RGP1: variants seen among roughly 807,000 people sequenced by gnomAD.
RGP1 encodes RAB6A-GEF complex partner protein 2.
In RGP1, 28 loss-of-function variants were observed where a neutral mutation model predicts 44.5. The observed-to-expected ratio is 0.63, with a 90% CI of 0.47 to 0.86. The LOEUF is 0.86. RGP1 is among the 40% of genes least tolerant of loss of function. RGP1 has a pLI of 0.00. For synonymous variants in RGP1, 212 were observed against 196.7 expected (o/e 1.08, Z -0.65); for missense variants, 417 against 490.7 (o/e 0.85, Z 1.42).
downstream of RGP1, among the ~76,000 whole-genome samples, chr9:35,759,917 CTTTTT>C (rs34848500): frequency 7.5e-6 from 1 of 132,986 alleles, no homozygotes; most frequent in Non-Finnish European, 1.6e-5. Context: ...TTCATTTTTC[CTTTTT>C]TTTTTTTTTC....
Position 35,753,217 on chromosome 9 carries a change from C to T in RGP1, c.*343C>T, listed in dbSNP as rs1476084174. 6.2e-7 allele frequency: 1 copy of T among 1,614,154 alleles called. No individual in the cohort carries two copies. The highest frequency in any genetic ancestry group is 1.1e-5 in the South Asian group (1 of 91,082). ...GGTCAGATTTTTGCACCAAGGAGAA[C>T]TGGCAGGTTCCTGCCTCCTGACGTA... On this transcript the variant is annotated 3_prime_UTR_variant, in exon 9 of 9. Coordinates refer to ENST00000378078, the MANE Select transcript of RGP1 (RefSeq NM_001080496.3). This position sits in a 1 kb window ranked among gnomAD's most constrained non-coding sequence, Gnocchi z 4.2.
At chr9:35,783,243 A>G in the RGP1 span, among the ~76,000 whole-genome samples, 1 of 152,300 alleles carries the variant, frequency 6.6e-6, no homozygotes, top group East Asian at 1.9e-4. Context: ...ATGAAATACA[A>G]TGTGATGGAT....
the RGP1 span, among the ~76,000 whole-genome samples, chr9:35,765,339 T>TA: frequency 6.6e-6 from 1 of 152,046 alleles, no homozygotes. Context: ...GATCCTGTTG[T>TA]AAGTGAATGT....
Position 35,752,820 on chromosome 9 carries a change from C to T in RGP1, c.1122C>T (p.Pro374=). Residue 374 remains proline, a synonymous_variant, in exon 9 of 9, where the codon CCC becomes CCT. Coordinates refer to ENST00000378078, the MANE Select transcript of RGP1 (RefSeq NM_001080496.3). ...CCATCAAGGTGCTGCCTACTAGCCC[C>T]ACCCTGGCCTCATATGCTGCCCCAG... ...DLPIKVLPTS[P]TLASYAAPGP... 6.2e-7 allele frequency: 1 copy of T among 1,613,906 alleles called. No homozygotes were observed. Among genetic ancestry groups the T allele is most frequent in the East Asian group, 2.2e-5 (1 of 44,870 alleles).
chr9:35,760,358 G>A (rs995775247), downstream of RGP1, among the ~76,000 whole-genome samples: 1 of 152,074 alleles, frequency 6.6e-6, no homozygotes, highest in African/African-American at 2.4e-5. Context: ...GTGGGGGGCT[G>A]TCCTGTGCAT....
At position 35,753,146 on chromosome 9, in the gene RGP1, G is replaced by A; in HGVS notation, c.*272G>A. The stretch of plus-strand genomic sequence containing the variant: ...AGCCCCAGGAACAGGGGTGTTGGCT[G>A]AGCCCCATTCTGGGTCAGGCCCTCC... On this transcript the variant is annotated 3_prime_UTR_variant, in exon 9 of 9. Coordinates refer to ENST00000378078, the MANE Select transcript of RGP1 (RefSeq NM_001080496.3). The surrounding 1 kb of genome is among the most constrained non-coding windows in gnomAD (Gnocchi z 4.2). 1 of 1,614,216 alleles carries A rather than the reference G, an allele frequency of 6.2e-7. No individual in the cohort carries two copies. Among genetic ancestry groups the A allele is most frequent in the Non-Finnish European group, 8.5e-7 (1 of 1,180,030 alleles).
downstream of RGP1, among the ~76,000 whole-genome samples, chr9:35,759,567 C>CAAAAAAAAAA (rs57938702): frequency 2.6e-5 from 1 of 38,280 alleles, no homozygotes; most frequent in African/African-American, 1.0e-4. Flanking sequence ...ACCCTGTCTC[C>CAAAAAAAAAA]AAAAAAAAAA....
chr9:35,769,820 T>C, the RGP1 span, among the ~76,000 whole-genome samples: 3 of 152,190 alleles, frequency 2.0e-5, no homozygotes, highest in Non-Finnish European at 4.4e-5. Flanking sequence ...TTGTTTGTAT[T>C]TCATCCTAAG....
At chr9:35,777,256 A>C in the RGP1 span, among the ~76,000 whole-genome samples, 1 of 144,504 alleles carries the variant, frequency 6.9e-6, no homozygotes, top group Non-Finnish European at 1.5e-5. Context: ...CAGCCTCCCC[A>C]GTAGCTGGGA....
Position 35,753,094 on chromosome 9 carries a change from T to C in RGP1, c.*220T>C. ...GAGCAGTCAGCAGATGGATGATCAG[T>C]TGAGTTTAGCTGGAGTGGGGAGCAG... On this transcript the variant is annotated 3_prime_UTR_variant, in exon 9 of 9. Coordinates refer to ENST00000378078, the MANE Select transcript of RGP1 (RefSeq NM_001080496.3). The surrounding 1 kb of genome is among the most constrained non-coding windows in gnomAD (Gnocchi z 4.2). 6.2e-7 allele frequency: 1 copy of C among 1,612,836 alleles called. No homozygotes were observed. The highest frequency in any genetic ancestry group is 8.5e-7 in the Non-Finnish European group (1 of 1,179,066).
chr9:35,777,010 A>C, the RGP1 span, among the ~76,000 whole-genome samples: 1 of 144,818 alleles, frequency 6.9e-6, no homozygotes, highest in African/African-American at 2.5e-5. Flanking sequence ...AAAAAAAAAA[A>C]TTTGCTTTGT....
At chr9:35,764,656 T>C in the RGP1 span, among the ~76,000 whole-genome samples, 3 of 152,104 alleles carry the variant, frequency 2.0e-5, no homozygotes, top group Non-Finnish European at 4.4e-5. Flanking sequence ...CCCCCAAATT[T>C]CCTTATTACC....
At chr9:35,761,864 C>G (rs1472391353), downstream of RGP1, among the ~76,000 whole-genome samples, 1 of 152,074 alleles carries the variant, frequency 6.6e-6, no homozygotes, top group Non-Finnish European at 1.5e-5. Flanking sequence ...CTTTAAAATA[C>G]TGACTCTGAC....
chr9:35,772,031 A>G, the RGP1 span: 1 of 152,188 alleles, frequency 6.6e-6, no homozygotes, highest in Non-Finnish European at 1.5e-5. Context: ...ATTCCAAGCA[A>G]TCTTTTCCTT....
chr9:35,766,431 C>T, the RGP1 span, among the ~76,000 whole-genome samples: 1 of 152,006 alleles, frequency 6.6e-6, no homozygotes, highest in Non-Finnish European at 1.5e-5. Context: ...TGGTGGCTTG[C>T]CTTTTTATTT....
chr9:35,780,764 C>T, the RGP1 span, among the ~76,000 whole-genome samples: 6 of 151,936 alleles, frequency 3.9e-5, no homozygotes, highest in East Asian at 9.7e-4. Flanking sequence ...TGGTGGTGTG[C>T]ATCTGTGGTC....
chr9:35,788,740 T>C, the RGP1 span, among the ~76,000 whole-genome samples: 4 of 152,254 alleles, frequency 2.6e-5, 1 homozygote, highest in South Asian at 6.2e-4. Flanking sequence ...TTTCCTAGGT[T>C]TTCTATGTAT....
At chr9:35,758,739 C>A (rs919657378), downstream of RGP1, among the ~76,000 whole-genome samples, 1 of 152,090 alleles carries the variant, frequency 6.6e-6, no homozygotes, top group Admixed American at 6.5e-5. Context: ...ACTTCCTCTA[C>A]TATAAATTCT....
chr9:35,753,621 T>C lies in RGP1; in HGVS notation c.*747T>C. The C allele has an allele frequency of 6.6e-7, 1 of 1,507,528 alleles. No homozygotes were observed. The highest frequency in any genetic ancestry group is 9.2e-7 in the Non-Finnish European group (1 of 1,086,370). The allele number at this position is 1,507,528 out of a possible 1,614,324, so 93.4% of individuals were successfully genotyped here. On this transcript the variant is annotated 3_prime_UTR_variant, in exon 9 of 9. Coordinates refer to ENST00000378078, the MANE Select transcript of RGP1 (RefSeq NM_001080496.3). The surrounding 1 kb of genome is among the most constrained non-coding windows in gnomAD (Gnocchi z 4.2). The stretch of plus-strand genomic sequence containing the variant: ...TCCCTGGTCATCCCTCAGTCACTCA[T>C]ATCAGAGTCATTCTCTCTGGCCATC...
Sources: gnomAD v4.1 joint callset for allele counts (sites outside exome capture counted in the v4.1 genomes callset) on GRCh38, gnomAD v4.1.1 for gene constraint, Gnocchi (gnomAD v3.1) non-coding constraint, MANE v1.5 for transcripts, NCBI Gene and HGNC (gene_info 2026-07-23, HGNC 2026-07-21) for gene names.